The following IL16 variants were observed in gnomAD, a reference collection of about 807,000 sequenced individuals.
IL16 encodes the protein interleukin 16.
In IL16, 67 loss-of-function variants were observed where a neutral mutation model predicts 110.1. The ratio of observed to expected loss-of-function variants is 0.61; its 90% confidence interval spans 0.50 to 0.75. The LOEUF (loss-of-function observed/expected upper bound fraction) is 0.75, where lower values mean the gene tolerates loss of function less well. Among genes scored for constraint, IL16 ranks in the 30% least tolerant of loss-of-function variants. The probability of loss-of-function intolerance (pLI) is 0.00; values close to 1 mark genes in which losing one functional copy is unlikely to be tolerated. For missense variants in IL16, 1,545 were observed against 1,655.0 expected (o/e 0.93, Z 1.15); for synonymous variants, 689 against 662.9 (o/e 1.04, Z -0.61).
intron 10 of IL16, among the ~76,000 whole-genome samples, chr15:81,289,386 C>T (rs997454584): frequency 3.9e-5 from 6 of 152,200 alleles, no homozygotes; most frequent in Non-Finnish European, 7.3e-5. Context: ...CTGCCTGCCT[C>T]AGCCTCCCAG....
chr15:81,292,317 A>G, intron 11 of IL16: 2 of 574,104 alleles, frequency 3.5e-6, no homozygotes, highest in Non-Finnish European at 6.3e-6. Context: ...TCTGGGTGGC[A>G]TATCTCCATA....
intron 1 of IL16, among the ~76,000 whole-genome samples, chr15:81,206,100 A>G (rs189667163): frequency 1.9e-4 from 29 of 152,372 alleles, no homozygotes; most frequent in Admixed American, 1.7e-3. Flanking sequence ...GACAAAATGT[A>G]CATAAAGAGC....
chr15:81,217,809 C>A (rs1215986848), intron 1 of IL16, among the ~76,000 whole-genome samples: 1 of 152,140 alleles, frequency 6.6e-6, no homozygotes. Context: ...GCTAAAAAAG[C>A]ATTTAATAAA....
At chr15:81,231,808 C>T (rs1290209746) in intron 2 of IL16, among the ~76,000 whole-genome samples, 1 of 152,120 alleles carries the variant, frequency 6.6e-6, no homozygotes, top group Non-Finnish European at 1.5e-5. Flanking sequence ...TTTTTTCCTA[C>T]GTGAATATCC....
chr15:81,290,415 TCTA>T, intron 10 of IL16, 35 bp from the exon 11 acceptor site: 1 of 1,485,950 alleles, frequency 6.7e-7, no homozygotes, highest in Non-Finnish European at 9.3e-7. Context: ...TGCAGGAGCT[TCTA>T]CTGTTTGTTT....
At chr15:81,275,378 A>T (rs952006310) in intron 6 of IL16, among the ~76,000 whole-genome samples, 2 of 3,080 alleles carry the variant, frequency 6.5e-4, no homozygotes, top group African/African-American at 1.5e-3. Flanking sequence ...AGGGGAGGGG[A>T]GGGGAGGGGA....
At position 81,299,958 on chromosome 15, in the gene IL16, C is replaced by T. The variant is rs1900187232; in HGVS notation, c.2632C>T (p.His878Tyr). The T allele has an allele frequency of 2.5e-6, 4 of 1,609,836 alleles. No homozygotes were observed. Among genetic ancestry groups the T allele is most frequent in the Non-Finnish European group, 3.4e-6 (4 of 1,178,006 alleles). Residue 878 changes from histidine to tyrosine, a missense_variant, in exon 14 of 19, where the codon CAT (histidine) becomes TAT (tyrosine). By Grantham distance (83) the His-to-Tyr change is moderately conservative. This residue lies in a region of IL16 where 1,185 missense variants were observed against 1,238.8 expected (regional missense o/e 0.96). Transcript: ENST00000683961. ...GGAGGCAGCAAAACCTCTTGGGAAG[C>T]ATGAGGAAGGACGGTTTTCTGGACT... Reference protein sequence around the residue: ...SGEAAKPLGKHEEGRFSGLLG... With the variant: ...SGEAAKPLGKYEEGRFSGLLG...
rs1900848026 is a variant in IL16, at chr15:81,311,442, C to T, written c.*2644C>T. The T allele has an allele frequency of 6.6e-6, 1 of 152,272 alleles. No homozygotes were observed. The highest frequency in any genetic ancestry group is 6.5e-5 in the Admixed American group (1 of 15,286). The allele number at this position is 152,272 out of a possible 1,614,324, so 9.4% of individuals were successfully genotyped here. Reference sequence around the variant, plus strand: ...AGCACACTTGGCCCAAGTGGCAGAGCTTGGACTGGATGCATGTTTTCCAGC... The same window carrying T: ...AGCACACTTGGCCCAAGTGGCAGAGTTTGGACTGGATGCATGTTTTCCAGC... On this transcript the variant is annotated 3_prime_UTR_variant, in exon 19 of 19. Coordinates refer to ENST00000683961, the MANE Select transcript of IL16 (RefSeq NM_172217.5).
At chr15:81,190,894 G>C (rs989901608) in intron 1 of IL16, among the ~76,000 whole-genome samples, 18 of 152,182 alleles carry the variant, frequency 1.2e-4, no homozygotes, top group African/African-American at 4.3e-4. Flanking sequence ...CTCAAGGTCA[G>C]GATTTATGGT....
chr15:81,295,079 C>T (rs913619270), intron 12 of IL16, among the ~76,000 whole-genome samples: 5 of 152,158 alleles, frequency 3.3e-5, no homozygotes, highest in Non-Finnish European at 7.4e-5. Context: ...ACTAACATCC[C>T]TCTTATAAAA....
chr15:81,248,719 CTTT>C (rs61480285), intron 2 of IL16, among the ~76,000 whole-genome samples: 1 of 112,240 alleles, frequency 8.9e-6, no homozygotes, highest in African/African-American at 3.5e-5. Context: ...TTCTTTCTTT[CTTT>C]TTTTTTTTTT....
chr15:81,297,502 C>A (rs1900046835), intron 13 of IL16, among the ~76,000 whole-genome samples: 1 of 152,204 alleles, frequency 6.6e-6, no homozygotes, highest in South Asian at 2.1e-4. Context: ...CCAGTGGTCA[C>A]CTCCTCCATG....
At chr15:81,250,131 T>C (rs989430671) in intron 2 of IL16, among the ~76,000 whole-genome samples, 2 of 152,186 alleles carry the variant, frequency 1.3e-5, no homozygotes, top group Non-Finnish European at 2.9e-5. Flanking sequence ...TTCGCAGGTC[T>C]GATTATGGTG....
chr15:81,310,345 A>T lies in IL16; in HGVS notation c.*1547A>T, dbSNP rs1900786974. The T allele has an allele frequency of 6.6e-6, 1 of 152,174 alleles. No homozygotes were observed. Among genetic ancestry groups the T allele is most frequent in the Admixed American group, 6.5e-5 (1 of 15,280 alleles). 9.4% of individuals were successfully genotyped at this position (152,174 alleles called of 1,614,324 possible). On this transcript the variant is annotated 3_prime_UTR_variant, in exon 19 of 19. Coordinates refer to ENST00000683961, the MANE Select transcript of IL16 (RefSeq NM_172217.5). ...CATCTGGGCTCCTAACCTTCCTGTA[A>T]ACCCCTTTAGTGGCTTCATTAGAGC...
Position 81,279,565 on chromosome 15 carries a change from A to G in IL16, c.872A>G (p.Lys291Arg), listed in dbSNP as rs756594873. ...CCTCTCTCTTTCTTTCAGCAAGCCA[A>G]AAAGGGGCTCCTCACCCTCACCGTG... ...QDALQKFKQA[K>R]KGLLTLTVRT... The change falls in exon 8 of 19, where the codon AAA becomes AGA. Residue 291 changes from lysine (K) to arginine (R), a missense_variant. By Grantham distance (26) the Lys-to-Arg change is conservative. Coordinates refer to ENST00000683961, the MANE Select transcript of IL16 (RefSeq NM_172217.5). The G allele has an allele frequency of 1.2e-5, 20 of 1,611,580 alleles. No homozygotes were observed. Among genetic ancestry groups the G allele is most frequent in the Admixed American group, 1.2e-4 (7 of 59,954 alleles).
chr15:81,228,046 C>T (rs1896845635), intron 2 of IL16, among the ~76,000 whole-genome samples: 1 of 152,048 alleles, frequency 6.6e-6, no homozygotes, highest in African/African-American at 2.4e-5. Context: ...TAAGGGTGCG[C>T]AGTTGTACTA....
intron 1 of IL16, among the ~76,000 whole-genome samples, chr15:81,187,934 G>A (rs534882024): frequency 7.5e-4 from 114 of 152,252 alleles, no homozygotes; most frequent in African/African-American, 2.6e-3. Flanking sequence ...TGGGATTAGG[G>A]TTGCAGTTTT....
At chr15:81,210,316 T>C (rs1241304002) in intron 1 of IL16, among the ~76,000 whole-genome samples, 1 of 152,214 alleles carries the variant, frequency 6.6e-6, no homozygotes, top group African/African-American at 2.4e-5. Context: ...CTTCTGTTCT[T>C]TTTGCTTAAA....
intron 2 of IL16, among the ~76,000 whole-genome samples, chr15:81,249,884 T>C (rs373189846): frequency 6.6e-6 from 1 of 152,192 alleles, no homozygotes; most frequent in African/African-American, 2.4e-5. Flanking sequence ...CATCTGAGTA[T>C]TTTGTTAGAT....
Sources: gnomAD v4.1 joint callset for allele counts (sites outside exome capture counted in the v4.1 genomes callset) on GRCh38, gnomAD v4.1.1 for gene constraint, gnomAD v4.1.1 regional missense constraint, MANE v1.5 for transcripts, NCBI Gene and HGNC (gene_info 2026-07-23, HGNC 2026-07-21) for gene names.